The following RALYL variants were observed in gnomAD, a reference collection of about 807,000 sequenced individuals.
The protein encoded by RALYL is RALY RNA binding protein like.
Under a neutral mutation model 35.1 loss-of-function variants are expected in RALYL, and 29 were observed. The ratio of observed to expected loss-of-function variants is 0.83; its 90% CI spans 0.61 to 1.13. The LOEUF is 1.13. RALYL is among the 50% of genes most tolerant of loss of function. RALYL has a pLI of 0.00. For synonymous variants in RALYL, 120 were observed against 127.6 expected (o/e 0.94, Z 0.40); for missense variants, 359 against 360.4 (o/e 1.00, Z 0.03).
Position 84,351,609 on chromosome 8 carries a change from T to C in RALYL, c.-24+167185T>C, listed in dbSNP as rs367725638. ...TTATCTTTGGACAGTTCTGATAGTC[T>C]CCCATATTGTTAATTCGATTTTTTT... On this transcript the variant is annotated intron_variant, in intron 1 of 8. Transcript: ENST00000521268. Among the ~76,000 whole-genome samples the C allele has an allele frequency of 1.1e-3, 162 of 149,758 alleles. 6 individuals are homozygous for C. The South Asian group carries it at 0.032, about 30-fold the overall frequency.
intron 1 of RALYL, among the ~76,000 whole-genome samples, chr8:84,441,788 T>G (rs965883714): frequency 2.6e-5 from 4 of 152,082 alleles, no homozygotes; most frequent in Admixed American, 1.3e-4. Context: ...AAATTCAAAA[T>G]AGGGGTTTTC....
At chr8:84,710,404 C>G (rs1399637933) in intron 2 of RALYL, among the ~76,000 whole-genome samples, 1 of 152,034 alleles carries the variant, frequency 6.6e-6, no homozygotes, top group Non-Finnish European at 1.5e-5. Context: ...CAGGTTCAAG[C>G]GATTCTCCTT....
At chr8:84,406,000 A>G (rs1350702275) in intron 1 of RALYL, among the ~76,000 whole-genome samples, 2 of 150,496 alleles carry the variant, frequency 1.3e-5, no homozygotes, top group Non-Finnish European at 3.0e-5. Context: ...ATGCAAGACA[A>G]TTGCAGACTT....
intron 2 of RALYL, among the ~76,000 whole-genome samples, chr8:84,727,441 C>T (rs1845180722): frequency 6.6e-6 from 1 of 151,892 alleles, no homozygotes; most frequent in South Asian, 2.1e-4. Flanking sequence ...ACTAACTCTT[C>T]ACTATATTTT....
At chr8:84,425,460 A>T (rs2046292395) in intron 1 of RALYL, among the ~76,000 whole-genome samples, 1 of 152,102 alleles carries the variant, frequency 6.6e-6, no homozygotes, top group Admixed American at 6.5e-5. Context: ...GGCACTCCCT[A>T]GTGAGATGCA....
At chr8:84,858,234 T>TTA (rs1247206481) in intron 5 of RALYL, among the ~76,000 whole-genome samples, 3 of 152,180 alleles carry the variant, frequency 2.0e-5, no homozygotes, top group African/African-American at 7.2e-5. Flanking sequence ...GAAATTAAAT[T>TTA]CTCAAATTTT....
chr8:84,630,579 G>A (rs554087985), intron 2 of RALYL, among the ~76,000 whole-genome samples: 26 of 152,084 alleles, frequency 1.7e-4, no homozygotes, highest in Middle Eastern at 3.4e-3. Flanking sequence ...AAATTAGGAC[G>A]TTGAGGAAAC....
intron 4 of RALYL, among the ~76,000 whole-genome samples, chr8:84,824,438 C>T (rs1206401643): frequency 1.3e-5 from 2 of 151,876 alleles, no homozygotes; most frequent in East Asian, 3.9e-4. Context: ...CCAGACTGCC[C>T]AAAGCAACCT....
At chr8:84,520,057 A>C (rs953071719) in intron 1 of RALYL, among the ~76,000 whole-genome samples, 4 of 152,234 alleles carry the variant, frequency 2.6e-5, no homozygotes, top group Non-Finnish European at 5.9e-5. Flanking sequence ...TAATTGCTTC[A>C]TTTCTCAAGA....
At chr8:84,372,900 T>G (rs796312524) in intron 1 of RALYL, among the ~76,000 whole-genome samples, 105 of 130,410 alleles carry the variant, frequency 8.1e-4, no homozygotes, top group Non-Finnish European at 1.2e-3. Flanking sequence ...TTTTTTTTTT[T>G]TTTTTTTTTT....
intron 2 of RALYL, among the ~76,000 whole-genome samples, chr8:84,636,721 A>G (rs1825140869): frequency 6.6e-6 from 1 of 151,872 alleles, no homozygotes; most frequent in Non-Finnish European, 1.5e-5. Context: ...ACTTACTTTT[A>G]GACTGGTTTC....
chr8:84,785,216 T>C (rs1339606464), intron 3 of RALYL, among the ~76,000 whole-genome samples: 2 of 152,186 alleles, frequency 1.3e-5, no homozygotes, highest in Non-Finnish European at 2.9e-5. Context: ...TGAGAGTTTA[T>C]GTTTTAATAT....
chr8:84,705,901 T>C (rs1298659629), intron 2 of RALYL: 4 of 1,478,466 alleles, frequency 2.7e-6, no homozygotes, highest in Admixed American at 2.4e-5. Context: ...TGGCTTTCAC[T>C]GTGTGATTGC....
At chr8:84,705,954 G>T in intron 2 of RALYL, 1 of 1,527,990 alleles carries the variant, frequency 6.5e-7, no homozygotes, top group South Asian at 1.2e-5. Context: ...CTGCAAAGCA[G>T]GAGCACAACC....
At chr8:84,550,926 G>A (rs935035705) in intron 2 of RALYL, among the ~76,000 whole-genome samples, 21 of 151,782 alleles carry the variant, frequency 1.4e-4, no homozygotes, top group Admixed American at 6.6e-4. Context: ...ACAAAATCTA[G>A]GTCTATAACC....
chr8:84,584,688 C>CT (rs1391923782), intron 2 of RALYL, among the ~76,000 whole-genome samples: 19 of 151,688 alleles, frequency 1.3e-4, no homozygotes, highest in African/African-American at 4.1e-4. Context: ...TTAGGTGTGT[C>CT]TTTTTTACGT....
chr8:84,548,347 C>T (rs1332775843), intron 2 of RALYL, among the ~76,000 whole-genome samples: 1 of 152,030 alleles, frequency 6.6e-6, no homozygotes, highest in African/African-American at 2.4e-5. Context: ...TTTACAGATA[C>T]CTTTTTCTCC....
chr8:84,508,896 GATTA>G (rs1024954958), intron 1 of RALYL, among the ~76,000 whole-genome samples: 13 of 152,020 alleles, frequency 8.6e-5, no homozygotes, highest in Admixed American at 2.6e-4. Context: ...AGAATTGAAG[GATTA>G]ATTGTCACTA....
At chr8:84,492,341 G>A (rs1299740402) in intron 1 of RALYL, among the ~76,000 whole-genome samples, 2 of 152,008 alleles carry the variant, frequency 1.3e-5, no homozygotes, top group Non-Finnish European at 2.9e-5. Flanking sequence ...TGTAACTATA[G>A]CAAAGCTTTT....
Sources: allele counts gnomAD v4.1 joint callset (sites outside exome capture counted in the v4.1 genomes callset), GRCh38; gene constraint gnomAD v4.1.1; transcripts MANE v1.5; gene names NCBI Gene and HGNC (gene_info 2026-07-23, HGNC 2026-07-21).